The following ROBO2 variants were observed in gnomAD, a reference collection of about 807,000 sequenced individuals.
The protein encoded by ROBO2 is roundabout guidance receptor 2, also known as roundabout homolog 2.
In ROBO2, 53 loss-of-function variants were observed where a neutral mutation model predicts 160.8. The ratio of observed to expected loss-of-function variants is 0.33; its 90% CI spans 0.26 to 0.41. The LOEUF (loss-of-function observed/expected upper bound fraction) is 0.41. Ranked by LOEUF, ROBO2 falls within the 10% of genes least tolerant of loss-of-function variation. The pLI, the probability that ROBO2 is intolerant of heterozygous loss-of-function variation, is 1.00. For missense variants in ROBO2, 1,577 were observed against 1,722.4 expected (o/e 0.92, Z 1.49); for synonymous variants, 664 against 611.7 (o/e 1.09, Z -1.26).
At chr3:76,940,203 C>G (rs1039318552) in intron 2 of ROBO2, among the ~76,000 whole-genome samples, 13 of 151,974 alleles carry the variant, frequency 8.6e-5, no homozygotes, top group African/African-American at 1.9e-4. Context: ...AGGATGGTCT[C>G]GATCTCTTGA....
At chr3:77,482,190 A>T (rs1466280499) in intron 4 of ROBO2, among the ~76,000 whole-genome samples, 1 of 152,112 alleles carries the variant, frequency 6.6e-6, no homozygotes, top group Non-Finnish European at 1.5e-5. Context: ...TAGGAGCAAA[A>T]ATATCATTGT....
chr3:76,825,603 CAAAAAAAAAAAAAAAA>C (rs201063990), intron 2 of ROBO2, among the ~76,000 whole-genome samples: 10 of 72,486 alleles, frequency 1.4e-4, no homozygotes, highest in East Asian at 5.0e-4. Context: ...TCATCTTAGC[CAAAAAAAAAAAAAAAA>C]AAAAAAAAAA....
intron 2 of ROBO2, among the ~76,000 whole-genome samples, chr3:76,634,670 A>G (rs2090222075): frequency 6.6e-6 from 1 of 151,886 alleles, no homozygotes. Flanking sequence ...ATCTCCAAAC[A>G]CAGTCACACT....
chr3:77,347,753 C>G (rs1305501496), intron 2 of ROBO2, among the ~76,000 whole-genome samples: 3 of 152,100 alleles, frequency 2.0e-5, no homozygotes, highest in Non-Finnish European at 4.4e-5. Context: ...CTTCACTAGG[C>G]TTCCAGAACA....
At chr3:77,596,704 T>A (rs752947495) in exon 19 of ROBO2, 1 of 1,613,822 alleles carries the variant, frequency 6.2e-7, no homozygotes. Context: ...TGCCAGTAAA[T>A]AATAGCAACA....
At chr3:76,221,436 G>T (rs962951893) in intron 2 of ROBO2, among the ~76,000 whole-genome samples, 5 of 152,036 alleles carry the variant, frequency 3.3e-5, no homozygotes, top group Non-Finnish European at 5.9e-5. Context: ...GGGTAACTCA[G>T]GGTGACGGTG....
At chr3:77,330,257 C>A (rs1218087487) in intron 2 of ROBO2, among the ~76,000 whole-genome samples, 1 of 152,192 alleles carries the variant, frequency 6.6e-6, no homozygotes, top group Non-Finnish European at 1.5e-5. Flanking sequence ...GTAGCTCATG[C>A]CTGTAATCCC....
intron 2 of ROBO2, among the ~76,000 whole-genome samples, chr3:77,025,511 C>G (rs1262998077): frequency 1.3e-5 from 2 of 152,086 alleles, no homozygotes; most frequent in Non-Finnish European, 2.9e-5. Context: ...ACAAAAGTTT[C>G]TAAAAGAATA....
chr3:77,351,426 A>C (rs1200653884), intron 2 of ROBO2, among the ~76,000 whole-genome samples: 2 of 152,206 alleles, frequency 1.3e-5, no homozygotes, highest in Admixed American at 6.5e-5. Flanking sequence ...TATGTTGGGC[A>C]GGAAACAAAT....
At chr3:77,498,313 T>C (rs772210601) in intron 5 of ROBO2, among the ~76,000 whole-genome samples, 3 of 152,206 alleles carry the variant, frequency 2.0e-5, no homozygotes, top group Non-Finnish European at 4.4e-5. Flanking sequence ...AAATAAAATA[T>C]GCCATTTACA....
At chr3:76,898,970 A>C (rs958238872) in intron 2 of ROBO2, among the ~76,000 whole-genome samples, 3 of 152,146 alleles carry the variant, frequency 2.0e-5, no homozygotes, top group Non-Finnish European at 2.9e-5. Context: ...CCTTTATGTG[A>C]CAGTGGAGAA....
Position 76,631,614 on chromosome 3 carries a change from TGGTTTGGAAA to T in ROBO2, c.110-466397_110-466388del, listed in dbSNP as rs565438819. Among the ~76,000 whole-genome samples, 94 of 147,160 alleles carry T rather than the reference TGGTTTGGAAA, an allele frequency of 6.4e-4. 1 individual carries two copies. The South Asian group carries it at 6.6e-3, about 10-fold the overall frequency. On this transcript the variant is annotated intron_variant, in intron 2 of 26. Coordinates refer to the ROBO2 transcript ENST00000487694. ...GCCTGGATCCCTATGAAATCAGGAC[TGGTTTGGAAA>T]GGCATATTTTAAAAAGAAAATGGAA...
intron 2 of ROBO2, among the ~76,000 whole-genome samples, chr3:76,336,392 C>T (rs1438951827): frequency 1.3e-5 from 2 of 152,176 alleles, no homozygotes; most frequent in Admixed American, 1.3e-4. Context: ...TAAATGTTAT[C>T]ACTATAAAGG....
intron 2 of ROBO2, among the ~76,000 whole-genome samples, chr3:76,613,115 T>C (rs982717597): frequency 1.3e-5 from 2 of 152,208 alleles, no homozygotes; most frequent in Non-Finnish European, 2.9e-5. Flanking sequence ...AATGTCATTA[T>C]TGAAAAGTAA....
intron 3 of ROBO2, among the ~76,000 whole-genome samples, chr3:77,479,380 G>A (rs2084409171): frequency 6.6e-6 from 1 of 152,110 alleles, no homozygotes; most frequent in South Asian, 2.1e-4. Flanking sequence ...GTTTCTTTTG[G>A]AAGAACTTTT....
chr3:77,506,311 G>C (rs1248484223), intron 5 of ROBO2, among the ~76,000 whole-genome samples: 1 of 152,166 alleles, frequency 6.6e-6, no homozygotes, highest in Admixed American at 6.6e-5. Context: ...TGGTGTCCCA[G>C]TGTCTCCATT....
chr3:77,213,917 A>G (rs2084545029), intron 2 of ROBO2, among the ~76,000 whole-genome samples: 1 of 151,990 alleles, frequency 6.6e-6, no homozygotes, highest in Non-Finnish European at 1.5e-5. Flanking sequence ...CCTGAGTTCT[A>G]GTTTGATTGC....
intron 2 of ROBO2, among the ~76,000 whole-genome samples, chr3:77,015,506 A>G (rs1245912253): frequency 3.3e-5 from 5 of 152,228 alleles, no homozygotes; most frequent in South Asian, 4.1e-4. Flanking sequence ...ATCCACGATT[A>G]TAGCAGCTCT....
At chr3:76,991,266 T>A (rs1195053594) in intron 2 of ROBO2, among the ~76,000 whole-genome samples, 1 of 152,166 alleles carries the variant, frequency 6.6e-6, no homozygotes, top group Non-Finnish European at 1.5e-5. Flanking sequence ...TACTTAGTTA[T>A]TTTTACCTAT....
Sources: allele counts gnomAD v4.1 joint callset (sites outside exome capture counted in the v4.1 genomes callset), GRCh38; gene constraint gnomAD v4.1.1; transcripts MANE v1.5; gene names NCBI Gene and HGNC (gene_info 2026-07-23, HGNC 2026-07-21).